The following RBFOX1 variants were observed in gnomAD, a reference collection of about 807,000 sequenced individuals.
RBFOX1 encodes the protein RNA binding protein fox-1 homolog 1.
A neutral mutation model predicts 57.7 loss-of-function variants in RBFOX1; 8 were observed. The observed-to-expected ratio is 0.14, with a 90% CI of 0.08 to 0.25. RBFOX1 has a LOEUF of 0.25. RBFOX1 is among the 10% of genes least tolerant of loss of function. RBFOX1 has a pLI of 1.00. For missense variants in RBFOX1, 611 were observed against 548.5 expected (o/e 1.11, Z -1.14); for synonymous variants, 326 against 222.4 (o/e 1.47, Z -4.15).
At chr16:5,743,273 G>A (rs1345549179) in intron 3 of RBFOX1, among the ~76,000 whole-genome samples, 1 of 152,100 alleles carries the variant, frequency 6.6e-6, no homozygotes, top group Non-Finnish European at 1.5e-5. Context: ...GGACTGGGTG[G>A]GCACCTTCTG....
intron 3 of RBFOX1, among the ~76,000 whole-genome samples, chr16:6,897,051 A>T (rs555851132): frequency 1.3e-5 from 2 of 152,268 alleles, no homozygotes; most frequent in East Asian, 1.9e-4. Context: ...AGCTCTCCAC[A>T]CCTTCCTGAA....
chr16:6,185,978 C>T (rs975267955), intron 1 of RBFOX1, among the ~76,000 whole-genome samples: 1 of 152,196 alleles, frequency 6.6e-6, no homozygotes, highest in Non-Finnish European at 1.5e-5. Flanking sequence ...ATAGCTATGA[C>T]TTAAAGTCAA....
At chr16:5,690,385 C>T (rs1355020890) in intron 3 of RBFOX1, among the ~76,000 whole-genome samples, 2 of 152,192 alleles carry the variant, frequency 1.3e-5, no homozygotes, top group South Asian at 2.1e-4. Context: ...CCACCGTCTA[C>T]CCATATCTTG....
At chr16:7,671,599 G>C in intron 13 of RBFOX1, 6 of 1,611,310 alleles carry the variant, frequency 3.7e-6, no homozygotes, top group Non-Finnish European at 5.1e-6. Context: ...AATTGCTGCA[G>C]GTATGAAATC....
At position 6,450,826 on chromosome 16, in the gene RBFOX1, T is replaced by TATGTATATAC. The variant is rs1567303621; in HGVS notation, c.-64+133771_-64+133772insGTATATACAT. ...GTATATATATATATATACATATATATATATATATATGTGTATATATATATA... is the reference window on the plus strand; with the variant it reads ...GTATATATATATATATACATATATATATGTATATACATATATATATGTGTATATATATATA... On this transcript the variant is annotated intron_variant, in intron 2 of 15. Coordinates refer to ENST00000550418, the MANE Select transcript of RBFOX1 (RefSeq NM_018723.4). 1.9e-3 allele frequency among the ~76,000 whole-genome samples: 64 copies of TATGTATATAC among 32,908 alleles called. 5 individuals carry two copies. Among genetic ancestry groups the TATGTATATAC allele is most frequent in the Middle Eastern group, 0.019 (1 of 52 alleles). 21.6% of individuals were successfully genotyped at this position (32,908 alleles called of 152,430 possible).
chr16:6,647,317 C>G (rs1281107008), intron 2 of RBFOX1, among the ~76,000 whole-genome samples: 1 of 152,132 alleles, frequency 6.6e-6, no homozygotes, highest in East Asian at 1.9e-4. Flanking sequence ...GATCTCAGGG[C>G]TCGCTGCAAC....
intron 4 of RBFOX1, among the ~76,000 whole-genome samples, chr16:7,054,548 G>GGGGGGA (rs1434240193): frequency 7.1e-6 from 1 of 140,142 alleles, no homozygotes; most frequent in East Asian, 2.5e-4. Flanking sequence ...ACCTGGGTGG[G>GGGGGGA]GGGGCATTTT....
intron 3 of RBFOX1, among the ~76,000 whole-genome samples, chr16:6,968,346 T>C (rs898916383): frequency 3.3e-5 from 5 of 152,178 alleles, no homozygotes; most frequent in African/African-American, 1.2e-4. Context: ...TTCATTTCTT[T>C]TCCTTCTTTT....
At chr16:7,706,126 C>T (rs577524709) in intron 14 of RBFOX1, among the ~76,000 whole-genome samples, 1 of 152,144 alleles carries the variant, frequency 6.6e-6, no homozygotes, top group African/African-American at 2.4e-5. Flanking sequence ...ACGTAGCACT[C>T]AAGTCCACAT....
chr16:5,722,101 G>A (rs1022166904), intron 3 of RBFOX1, among the ~76,000 whole-genome samples: 1 of 152,148 alleles, frequency 6.6e-6, no homozygotes, highest in Non-Finnish European at 1.5e-5. Flanking sequence ...AAAGAACCAG[G>A]TTGCTCTACT....
At chr16:7,464,360 G>C (rs534941569) in intron 4 of RBFOX1, among the ~76,000 whole-genome samples, 1 of 152,076 alleles carries the variant, frequency 6.6e-6, no homozygotes, top group South Asian at 2.1e-4. Context: ...CTTTTCCAAA[G>C]GAATATCGCA....
intron 2 of RBFOX1, among the ~76,000 whole-genome samples, chr16:6,405,468 G>A (rs1567204502): frequency 6.6e-6 from 1 of 152,128 alleles, no homozygotes; most frequent in Non-Finnish European, 1.5e-5. Context: ...CGTATCATCT[G>A]GACACACAAC....
At chr16:6,842,297 TTAA>T (rs2093518099) in intron 3 of RBFOX1, among the ~76,000 whole-genome samples, 1 of 131,728 alleles carries the variant, frequency 7.6e-6, no homozygotes, top group Non-Finnish European at 1.9e-5. Context: ...AACAACTTTC[TTAA>T]TTATTTTTTT....
chr16:6,806,836 ATTTT>A (rs1555488600), intron 3 of RBFOX1, among the ~76,000 whole-genome samples: 1 of 91,904 alleles, frequency 1.1e-5, no homozygotes, highest in Non-Finnish European at 2.1e-5. Flanking sequence ...ATATATATAT[ATTTT>A]TTTTTTTTTT....
In RBFOX1 at chr16:6,352,161, C is replaced by T. The variant is rs148872556; in HGVS notation, c.-64+35104C>T. 3.6e-3 allele frequency among the ~76,000 whole-genome samples: 555 copies of T among 152,282 alleles called. 2 individuals carry two copies. The highest frequency in any genetic ancestry group is 5.9e-3 in the Non-Finnish European group (399 of 68,016). The stretch of plus-strand genomic sequence containing the variant: ...TAAAAAGCAACCAGCTATCTCAAGT[C>T]CCAGACCTCCCAGCCCTATATTCTC... On this transcript the variant is annotated intron_variant, in intron 2 of 15. Coordinates refer to ENST00000550418, the MANE Select transcript of RBFOX1 (RefSeq NM_018723.4).
At chr16:6,343,628 A>G (rs1476093913) in intron 2 of RBFOX1, among the ~76,000 whole-genome samples, 1 of 152,226 alleles carries the variant, frequency 6.6e-6, no homozygotes, top group Non-Finnish European at 1.5e-5. Context: ...TCATGTTTCC[A>G]TGCTTCCTAT....
chr16:7,562,331 C>A (rs552171516), intron 5 of RBFOX1, among the ~76,000 whole-genome samples: 1 of 152,160 alleles, frequency 6.6e-6, no homozygotes, highest in East Asian at 1.9e-4. Context: ...CCGCCTGTTC[C>A]CTGTAGTTCC....
intron 2 of RBFOX1, among the ~76,000 whole-genome samples, chr16:6,593,798 A>G (rs147580209): frequency 1.8e-4 from 28 of 152,290 alleles, no homozygotes; most frequent in African/African-American, 6.5e-4. Context: ...GCATTAGCAT[A>G]TGTCAGATTT....
intron 3 of RBFOX1, among the ~76,000 whole-genome samples, chr16:6,763,913 T>C (rs566028952): frequency 6.6e-6 from 1 of 152,324 alleles, no homozygotes; most frequent in African/African-American, 2.4e-5. Flanking sequence ...TGCTTAGCGT[T>C]TGTATATGTC....
Sources: gnomAD v4.1 joint callset for allele counts (sites outside exome capture counted in the v4.1 genomes callset) on GRCh38, gnomAD v4.1.1 for gene constraint, MANE v1.5 for transcripts, NCBI Gene and HGNC (gene_info 2026-07-23, HGNC 2026-07-21) for gene names.